Variants in ACBD6 observed in about 807,000 individuals in gnomAD.
ACBD6 encodes acyl-CoA binding domain containing 6.
ACBD6 carries 28 observed loss-of-function variants against 37.2 expected under a neutral mutation model. That is an observed-to-expected ratio of 0.75 (90% CI 0.56 to 1.03). The LOEUF is 1.03. Among genes scored for constraint, ACBD6 ranks in the 50% least tolerant of loss-of-function variants. The pLI, the probability that ACBD6 is intolerant of heterozygous loss-of-function variation, is 0.00. For missense variants in ACBD6, 340 were observed against 337.4 expected (o/e 1.01, Z -0.06); for synonymous variants, 113 against 126.8 (o/e 0.89, Z 0.73).
chr1:180,342,334 G>A (rs1652013561), intron 6 of ACBD6, among the ~76,000 whole-genome samples: 1 of 152,108 alleles, frequency 6.6e-6, no homozygotes, highest in African/African-American at 2.4e-5. Context: ...TTGTTTGTAT[G>A]CGTCTAAGCA....
At chr1:180,422,113 T>TA (rs1648390801) in intron 4 of ACBD6, among the ~76,000 whole-genome samples, 1 of 152,230 alleles carries the variant, frequency 6.6e-6, no homozygotes, top group African/African-American at 2.4e-5. Flanking sequence ...AAGCTGAACT[T>TA]ACAATATGAG....
At chr1:180,401,695 G>A (rs1647371945) in intron 5 of ACBD6, among the ~76,000 whole-genome samples, 1 of 151,566 alleles carries the variant, frequency 6.6e-6, no homozygotes, top group Admixed American at 6.6e-5. Context: ...GGTGAAGGCA[G>A]GAGAATCGCC....
intron 5 of ACBD6, among the ~76,000 whole-genome samples, chr1:180,401,027 T>C (rs1001501216): frequency 4.6e-5 from 7 of 152,224 alleles, no homozygotes; most frequent in Admixed American, 1.3e-4. Context: ...TCAAGTTAAA[T>C]TTATTTTTAT....
At chr1:180,318,913 A>AT (rs1650944875) in intron 6 of ACBD6, among the ~76,000 whole-genome samples, 1 of 152,132 alleles carries the variant, frequency 6.6e-6, no homozygotes, top group Admixed American at 6.5e-5. Context: ...GTTTTTAGCT[A>AT]TGCTTATTTT....
chr1:180,421,285 T>C (rs1648352029), intron 4 of ACBD6, among the ~76,000 whole-genome samples: 1 of 152,236 alleles, frequency 6.6e-6, no homozygotes, highest in Non-Finnish European at 1.5e-5. Context: ...TCTCTTCCTG[T>C]GTTAGTTTAC....
In ACBD6 at chr1:180,487,068, ACATGACAACTAAATACGATG is replaced by A. The variant is rs577795963; in HGVS notation, c.384+5181_384+5200del. On this transcript the variant is annotated intron_variant, in intron 3 of 7. Transcript: ENST00000367595. ...TGCTCCATTAGAGGAGACTAAAGAT[ACATGACAACTAAATACGATG>A]CATGACCCTGCGTTAGAAGATGGAT... is the stretch of plus-strand genomic sequence containing the variant. 1.3e-3 allele frequency among the ~76,000 whole-genome samples: 198 copies of A among 152,344 alleles called. 5 individuals are homozygous for A. In the South Asian group the frequency reaches 0.039, roughly 30 times the overall value.
chr1:180,294,451 T>C (rs966670529), intron 7 of ACBD6, among the ~76,000 whole-genome samples: 12 of 151,876 alleles, frequency 7.9e-5, no homozygotes, highest in African/African-American at 2.9e-4. Flanking sequence ...GGCAGGAGAA[T>C]CGCTTGAACC....
intron 5 of ACBD6, among the ~76,000 whole-genome samples, chr1:180,402,636 T>C (rs1033320261): frequency 1.2e-4 from 18 of 151,986 alleles, no homozygotes; most frequent in Non-Finnish European, 5.9e-5. Flanking sequence ...ACCCCATCTC[T>C]ACAAAAATTA....
chr1:180,332,671 A>G (rs1651530214), intron 6 of ACBD6, among the ~76,000 whole-genome samples: 1 of 152,204 alleles, frequency 6.6e-6, no homozygotes, highest in Admixed American at 6.5e-5. Flanking sequence ...CACTGATTCT[A>G]TATTATAGTG....
chr1:180,312,484 T>C (rs1326450498), intron 7 of ACBD6, among the ~76,000 whole-genome samples: 2 of 152,186 alleles, frequency 1.3e-5, no homozygotes, highest in Non-Finnish European at 2.9e-5. Flanking sequence ...GCTAACTGTA[T>C]TGTTTGAGAA....
intron 7 of ACBD6, among the ~76,000 whole-genome samples, chr1:180,294,453 G>T (rs997548609): frequency 6.6e-6 from 1 of 151,898 alleles, no homozygotes; most frequent in Admixed American, 6.6e-5. Flanking sequence ...CAGGAGAATC[G>T]CTTGAACCTG....
At chr1:180,390,870 A>G (rs1654047252) in intron 6 of ACBD6, among the ~76,000 whole-genome samples, 1 of 152,164 alleles carries the variant, frequency 6.6e-6, no homozygotes, top group Non-Finnish European at 1.5e-5. Context: ...CGGGGCCCAG[A>G]ATAGCCAAAA....
intron 6 of ACBD6, among the ~76,000 whole-genome samples, chr1:180,316,883 C>T (rs189372532): frequency 2.1e-4 from 32 of 152,114 alleles, no homozygotes; most frequent in Middle Eastern, 3.4e-3. Context: ...GTGATGAGTA[C>T]GCTGGAAAAC....
chr1:180,444,366 T>C (rs1422856338), intron 3 of ACBD6, among the ~76,000 whole-genome samples: 1 of 152,128 alleles, frequency 6.6e-6, no homozygotes, highest in Non-Finnish European at 1.5e-5. Flanking sequence ...TGGTATATTC[T>C]AAATACATTC....
chr1:180,502,356 G>T lies in ACBD6; in HGVS notation c.-90C>A. ...CTTGGAGGCCTGGCCCACCAGTCTG[G>T]GTCGCGAGCCTGAGCTCCAGTCGGA... On this transcript the variant is annotated 5_prime_UTR_variant, in exon 1 of 8. Transcript: ENST00000367595. The T allele has an allele frequency of 6.9e-7, 1 of 1,446,782 alleles. No homozygotes were observed. Among genetic ancestry groups the T allele is most frequent in the African/African-American group, 1.4e-5 (1 of 71,646 alleles). 89.6% of individuals were successfully genotyped at this position (1,446,782 alleles called of 1,614,324 possible).
At chr1:180,401,871 T>C (rs1213369431) in intron 5 of ACBD6, among the ~76,000 whole-genome samples, 7 of 151,876 alleles carry the variant, frequency 4.6e-5, no homozygotes, top group Non-Finnish European at 7.4e-5. Flanking sequence ...GATGTTCTTA[T>C]GATATTTTGA....
chr1:180,501,021 C>T (rs1263549413), intron 1 of ACBD6, among the ~76,000 whole-genome samples: 2 of 152,040 alleles, frequency 1.3e-5, no homozygotes, highest in Non-Finnish European at 2.9e-5. Flanking sequence ...CCAATGTCAC[C>T]CTGAATTATA....
intron 6 of ACBD6, among the ~76,000 whole-genome samples, chr1:180,380,689 A>G (rs575269108): frequency 6.6e-6 from 1 of 152,290 alleles, no homozygotes; most frequent in Non-Finnish European, 1.5e-5. Flanking sequence ...GACACGTGAA[A>G]ATATAAAAAC....
chr1:180,355,955 C>T (rs1351739483), intron 6 of ACBD6, among the ~76,000 whole-genome samples: 1 of 151,796 alleles, frequency 6.6e-6, no homozygotes, highest in South Asian at 2.1e-4. Context: ...ACAACCTCTG[C>T]CTCCCGGGTT....
Sources: allele counts gnomAD v4.1 joint callset (sites outside exome capture counted in the v4.1 genomes callset), GRCh38; gene constraint gnomAD v4.1.1; transcripts MANE v1.5; gene names NCBI Gene and HGNC (gene_info 2026-07-23, HGNC 2026-07-21).